The following KDM4B variants were observed in gnomAD, a reference collection of about 807,000 sequenced individuals.
KDM4B encodes lysine demethylase 4B, also known as lysine-specific demethylase 4B.
KDM4B carries 32 observed loss-of-function variants against 125.2 expected under a neutral mutation model. The ratio of observed to expected loss-of-function variants is 0.26; its 90% CI spans 0.19 to 0.34. The LOEUF is 0.34. KDM4B is among the 10% of genes least tolerant of loss of function. The pLI is 1.00. For missense variants in KDM4B, 1,190 were observed against 1,577.7 expected (o/e 0.75, Z 4.16); for synonymous variants, 721 against 677.9 (o/e 1.06, Z -0.99).
At position 5,008,906 on chromosome 19, in the gene KDM4B, C is replaced by CTT. The variant is rs200928850; in HGVS notation, c.-108-7326_-108-7325dup. 6.0e-3 allele frequency among the ~76,000 whole-genome samples: 631 copies of CTT among 104,412 alleles called. 72 individuals carry two copies. Among genetic ancestry groups the CTT allele is most frequent in the African/African-American group, 0.024 (513 of 21,204 alleles). 68.5% of individuals were successfully genotyped at this position (104,412 alleles called of 152,430 possible). On this transcript the variant is annotated intron_variant, in intron 1 of 22. Transcript: ENST00000159111. ...ATGAGTGACCATGCCTGGCCCCTGCCTTTTTTTTTTTTTTTTTTTTTTTTT... is the reference window on the plus strand; with the variant it reads ...ATGAGTGACCATGCCTGGCCCCTGCCTTTTTTTTTTTTTTTTTTTTTTTTTTT...
At chr19:5,054,723 G>A (rs1445848581) in intron 6 of KDM4B, among the ~76,000 whole-genome samples, 3 of 152,244 alleles carry the variant, frequency 2.0e-5, no homozygotes, top group Non-Finnish European at 2.9e-5. Context: ...AGAGCGTGGC[G>A]TGTGGCGCTG....
chr19:4,991,010 A>C (rs528277709), intron 1 of KDM4B, among the ~76,000 whole-genome samples: 1 of 152,258 alleles, frequency 6.6e-6, no homozygotes, highest in African/African-American at 2.4e-5. Context: ...AGTCCCAGCT[A>C]CTAGGGAGGG....
At chr19:4,982,686 C>T (rs1230894308) in intron 1 of KDM4B, among the ~76,000 whole-genome samples, 1 of 151,824 alleles carries the variant, frequency 6.6e-6, no homozygotes, top group Non-Finnish European at 1.5e-5. Context: ...GATCTCGGCT[C>T]ACTGCAACCT....
At chr19:4,983,467 G>A (rs1020296675) in intron 1 of KDM4B, among the ~76,000 whole-genome samples, 1 of 152,250 alleles carries the variant, frequency 6.6e-6, no homozygotes, top group Non-Finnish European at 1.5e-5. Flanking sequence ...CTGTCTGGCG[G>A]TGGTCCTGGC....
chr19:5,043,872 A>G (rs2036928364), intron 5 of KDM4B, among the ~76,000 whole-genome samples: 1 of 112,586 alleles, frequency 8.9e-6, no homozygotes, highest in South Asian at 3.0e-4. Context: ...TGTCCACCTT[A>G]TCCCGTGCTG....
intron 5 of KDM4B, among the ~76,000 whole-genome samples, chr19:5,042,929 A>G (rs2036869000): frequency 6.7e-6 from 1 of 148,950 alleles, no homozygotes; most frequent in South Asian, 2.3e-4. Context: ...ACTTTACACA[A>G]AGTTTTTAAT....
chr19:4,990,945 A>C (rs982414226), intron 1 of KDM4B, among the ~76,000 whole-genome samples: 6 of 151,946 alleles, frequency 3.9e-5, no homozygotes, highest in African/African-American at 1.5e-4. Flanking sequence ...ATATGGTGAA[A>C]CCTCGTCTTT....
At chr19:5,134,514 C>A (rs2039614190) in intron 14 of KDM4B, among the ~76,000 whole-genome samples, 1 of 152,214 alleles carries the variant, frequency 6.6e-6, no homozygotes, top group Admixed American at 6.5e-5. Context: ...CTCGCCTGTC[C>A]TCTGCACCCA....
intron 1 of KDM4B, among the ~76,000 whole-genome samples, chr19:5,011,360 A>G (rs901969183): frequency 6.6e-6 from 1 of 152,196 alleles, no homozygotes; most frequent in African/African-American, 2.4e-5. Flanking sequence ...GCACACCTGT[A>G]TCCATCTCAC....
At chr19:5,016,624 C>T (rs2035900089) in intron 2 of KDM4B, among the ~76,000 whole-genome samples, 1 of 152,216 alleles carries the variant, frequency 6.6e-6, no homozygotes, top group Non-Finnish European at 1.5e-5. Flanking sequence ...AGCTGTGGCT[C>T]CTCCTGCATT....
chr19:5,038,385 G>A (rs2036698017), intron 3 of KDM4B, among the ~76,000 whole-genome samples: 1 of 152,234 alleles, frequency 6.6e-6, no homozygotes, highest in Non-Finnish European at 1.5e-5. Context: ...CCCAGGGTGA[G>A]GCGTGTACTC....
At chr19:5,106,352 A>C (rs1479803884) in intron 9 of KDM4B, among the ~76,000 whole-genome samples, 3 of 152,190 alleles carry the variant, frequency 2.0e-5, no homozygotes, top group African/African-American at 7.2e-5. Flanking sequence ...GATCGCTAGC[A>C]GGGGGAGATT....
At chr19:4,994,856 T>C (rs535923656) in intron 1 of KDM4B, among the ~76,000 whole-genome samples, 1 of 152,208 alleles carries the variant, frequency 6.6e-6, no homozygotes, top group Non-Finnish European at 1.5e-5. Context: ...ACTATATTTT[T>C]GGAAGTATTT....
rs1599224653 is a variant in KDM4B at position 5,119,192 on chromosome 19, A to C, written c.1116-461A>C. The C allele has an allele frequency of 5.9e-6, 9 of 1,535,266 alleles. No individual in the cohort carries two copies. In the East Asian group the frequency reaches 2.2e-4, roughly 38 times the overall value. ...AGGAAACCAAGTCTAGAAAGGAAGA[A>C]AGAGCAGACCAAAAGGCCGGGGCTG... On this transcript the variant is annotated intron_variant, in intron 10 of 22. Coordinates refer to ENST00000159111, the MANE Select transcript of KDM4B (RefSeq NM_015015.3).
At chr19:5,124,302 G>A (rs1343825090) in intron 11 of KDM4B, among the ~76,000 whole-genome samples, 1 of 152,134 alleles carries the variant, frequency 6.6e-6, no homozygotes, top group African/African-American at 2.4e-5. Context: ...CCGGCGCGGT[G>A]GGGGAAATCG....
intron 21 of KDM4B, among the ~76,000 whole-genome samples, chr19:5,149,251 G>T (rs1367308638): frequency 3.9e-5 from 6 of 152,250 alleles, no homozygotes; most frequent in Non-Finnish European, 8.8e-5. Context: ...CTTCCGCGAT[G>T]GTCTTACTGT....
In KDM4B at chr19:5,115,419, T is replaced by TG. The variant is rs550034603; in HGVS notation, c.1116-4229dup. Among the ~76,000 whole-genome samples, 109 of 151,566 alleles carry TG rather than the reference T, an allele frequency of 7.2e-4. 1 individual carries two copies. The highest frequency in any genetic ancestry group is 2.3e-3 in the African/African-American group (95 of 41,260). On this transcript the variant is annotated intron_variant, in intron 10 of 22. Transcript: ENST00000159111. The surrounding 1 kb of genome is among the most constrained non-coding windows in gnomAD (Gnocchi z 4.2). ...AGGCCAGGAGAGACAATAGAGGGGG[T>TG]GGGGGTCCTCTGCCAGAGAACAAAG...
chr19:5,056,987 T>C (rs1409515633), intron 6 of KDM4B, among the ~76,000 whole-genome samples: 1 of 151,400 alleles, frequency 6.6e-6, no homozygotes, highest in African/African-American at 2.4e-5. Context: ...CATGATTTGG[T>C]ACAGAAACGG....
chr19:5,150,168 C>T (rs1227237171), intron 21 of KDM4B, among the ~76,000 whole-genome samples, 190 bp from the exon 22 acceptor site: 1 of 152,232 alleles, frequency 6.6e-6, no homozygotes, highest in Non-Finnish European at 1.5e-5. Flanking sequence ...GGTACGGGAC[C>T]CTCAGCCTGA....
Sources: allele counts gnomAD v4.1 joint callset (sites outside exome capture counted in the v4.1 genomes callset), GRCh38; gene constraint gnomAD v4.1.1; non-coding constraint Gnocchi (gnomAD v3.1); transcripts MANE v1.5; gene names NCBI Gene and HGNC (gene_info 2026-07-23, HGNC 2026-07-21).